The following PIK3AP1 variants were observed in gnomAD, a reference collection of about 807,000 sequenced individuals.
PIK3AP1 encodes the protein phosphoinositide 3-kinase adapter protein 1.
In PIK3AP1, 21 loss-of-function variants were observed where a neutral mutation model predicts 88.1. That is an observed-to-expected ratio of 0.24 (90% confidence interval 0.17 to 0.34). The LOEUF is 0.34. Ranked by LOEUF, PIK3AP1 falls within the 10% of genes least tolerant of loss-of-function variation. The pLI, the probability that PIK3AP1 is intolerant of heterozygous loss-of-function variation, is 1.00. For missense variants in PIK3AP1, 828 were observed against 1,035.7 expected, an observed-to-expected ratio of 0.80 and a Z score of 2.75; for synonymous variants, 398 against 400.0, an observed-to-expected ratio of 1.00 and a Z score of 0.06.
At chr10:96,655,729 C>A (rs1390214073) in intron 3 of PIK3AP1, among the ~76,000 whole-genome samples, 3 of 152,108 alleles carry the variant, frequency 2.0e-5, no homozygotes, top group Non-Finnish European at 4.4e-5. Flanking sequence ...AAGAGGAGTT[C>A]CCCTGCACAA....
Position 96,651,336 on chromosome 10 carries a change from C to G in PIK3AP1, c.900G>C (p.Leu300=), listed in dbSNP as rs370579298. 5 of 1,613,996 alleles carry G rather than the reference C, an allele frequency of 3.1e-6. No homozygotes were observed. The African/African-American group carries it at 6.7e-5, about 22-fold the overall frequency. The part of the protein sequence containing the change: ...VPYNTETLDK[L]LTESLKNNIP... ...TATTGTTCTTCAGGGATTCGGTTAG[C>G]AGTTTATCAAGGGTCTCTGTGTTGT... Residue 300 remains leucine (L), a synonymous_variant, in exon 6 of 17, where the codon CTG becomes CTC. Transcript: ENST00000339364.
chr10:96,641,195 C>T (rs1843384595), intron 8 of PIK3AP1, among the ~76,000 whole-genome samples: 1 of 151,946 alleles, frequency 6.6e-6, no homozygotes, highest in African/African-American at 2.4e-5. Context: ...TGTACAATCT[C>T]AGGGTCAGAA....
At chr10:96,652,601 A>G (rs1437706867) in intron 4 of PIK3AP1, 97 bp downstream of exon 4, 13 of 1,453,240 alleles carry the variant, frequency 8.9e-6, no homozygotes, top group African/African-American at 1.4e-5. Context: ...TAGCAAACAT[A>G]TTTAAGATGA....
At chr10:96,643,117 A>G (rs1843413314) in intron 8 of PIK3AP1, among the ~76,000 whole-genome samples, 1 of 152,150 alleles carries the variant, frequency 6.6e-6, no homozygotes, top group Non-Finnish European at 1.5e-5. Flanking sequence ...TGCTCCAGAC[A>G]TGCTTATTAG....
chr10:96,708,596 A>AAG (rs1554963187), intron 2 of PIK3AP1, among the ~76,000 whole-genome samples: 1 of 150,314 alleles, frequency 6.7e-6, no homozygotes, highest in African/African-American at 2.5e-5. Flanking sequence ...AAAAAAAAAA[A>AAG]AAAAAGCAAA....
chr10:96,628,889 C>CATATATATATATATATATACATAT (rs745432871), intron 8 of PIK3AP1, among the ~76,000 whole-genome samples: 1 of 60,852 alleles, frequency 1.6e-5, no homozygotes, highest in Non-Finnish European at 3.1e-5. Flanking sequence ...TATATATATA[C>CATATATATATATATATATACATAT]ATATATATAT....
At chr10:96,645,357 A>C in intron 8 of PIK3AP1, 116 bp downstream of exon 8, 1 of 1,035,610 alleles carries the variant, frequency 9.7e-7, no homozygotes, top group African/African-American at 1.7e-5. Context: ...CAGGACCTTC[A>C]TCTCTCTGGG....
chr10:96,674,852 A>G (rs1843895026), intron 2 of PIK3AP1, among the ~76,000 whole-genome samples: 1 of 152,238 alleles, frequency 6.6e-6, no homozygotes, highest in Non-Finnish European at 1.5e-5. Flanking sequence ...CAGTCTTCCG[A>G]GAAACAAAAG....
At chr10:96,677,254 C>T (rs1480733924) in intron 2 of PIK3AP1, among the ~76,000 whole-genome samples, 1 of 152,154 alleles carries the variant, frequency 6.6e-6, no homozygotes, top group Admixed American at 6.5e-5. Flanking sequence ...AACACAACAC[C>T]TTCTTTTGCC....
intron 6 of PIK3AP1, among the ~76,000 whole-genome samples, chr10:96,649,385 T>C (rs1843506697): frequency 6.6e-6 from 1 of 152,166 alleles, no homozygotes; most frequent in Non-Finnish European, 1.5e-5. Context: ...ATGAATACCC[T>C]ACCATCTTCT....
chr10:96,612,186 GCTC>G, intron 13 of PIK3AP1, among the ~76,000 whole-genome samples: 1 of 152,130 alleles, frequency 6.6e-6, no homozygotes, highest in Non-Finnish European at 1.5e-5. Context: ...GACCCGGTTA[GCTC>G]CTCTACGTCC....
At chr10:96,705,240 G>A (rs1390578531) in intron 2 of PIK3AP1, among the ~76,000 whole-genome samples, 1 of 152,186 alleles carries the variant, frequency 6.6e-6, no homozygotes, top group African/African-American at 2.4e-5. Flanking sequence ...AGGTGAAGGA[G>A]GAAAATTGAA....
chr10:96,712,794 G>A (rs1295497457), intron 1 of PIK3AP1, among the ~76,000 whole-genome samples: 5 of 152,234 alleles, frequency 3.3e-5, no homozygotes, highest in Admixed American at 2.6e-4. Context: ...AGGATGCAAT[G>A]TTAGTGATGC....
Position 96,623,185 on chromosome 10 carries a change from C to A in PIK3AP1, c.1735+287G>T, listed in dbSNP as rs34194387. ...GTGCCACACTAAAGTATCCTTGGAT[C>A]TCTCTAATTAATTAAATAATTTATT... On this transcript the variant is annotated intron_variant, in intron 11 of 16. Transcript: ENST00000339364. 4.4e-3 allele frequency among the ~76,000 whole-genome samples: 666 copies of A among 152,186 alleles called. 7 individuals carry two copies. Among genetic ancestry groups the A allele is most frequent in the Non-Finnish European group, 5.0e-3 (339 of 68,018 alleles).
chr10:96,623,606 G>A, intron 10 of PIK3AP1, 69 bp from the exon 11 acceptor site: 1 of 1,368,284 alleles, frequency 7.3e-7, no homozygotes, highest in Non-Finnish European at 1.0e-6. Context: ...TAATAATAAT[G>A]AATCCATACC....
intron 2 of PIK3AP1, among the ~76,000 whole-genome samples, chr10:96,657,453 A>G (rs976699786): frequency 6.6e-6 from 1 of 152,178 alleles, no homozygotes; most frequent in African/African-American, 2.4e-5. Context: ...CTTTAGATAA[A>G]TCTAACCAGG....
At chr10:96,639,937 A>G (rs1278434469) in intron 8 of PIK3AP1, among the ~76,000 whole-genome samples, 2 of 152,214 alleles carry the variant, frequency 1.3e-5, no homozygotes, top group Admixed American at 1.3e-4. Context: ...ACAGTCCCCA[A>G]GTGTGCCCCC....
At position 96,593,938 on chromosome 10, in the gene PIK3AP1, A is replaced by G. The variant is rs753697557; in HGVS notation, c.*1639T>C. 6.6e-6 allele frequency: 1 copy of G among 152,242 alleles called. No homozygotes were observed. Among genetic ancestry groups the G allele is most frequent in the Non-Finnish European group, 1.5e-5 (1 of 68,038 alleles). The allele number at this position is 152,242 out of a possible 1,614,324, so 9.4% of individuals were successfully genotyped here. On this transcript the variant is annotated 3_prime_UTR_variant, in exon 17 of 17. Transcript: ENST00000339364. Reference sequence around the variant, plus strand: ...CCTTTAATCATTAGAAAAGGACCCAATAAAACTATACTTAAATGGATCATT... The same window carrying G: ...CCTTTAATCATTAGAAAAGGACCCAGTAAAACTATACTTAAATGGATCATT...
At chr10:96,646,860 T>C (rs922115061) in intron 7 of PIK3AP1, among the ~76,000 whole-genome samples, 1 of 152,212 alleles carries the variant, frequency 6.6e-6, no homozygotes, top group Non-Finnish European at 1.5e-5. Context: ...TAAGAAACTT[T>C]GGTGTTTCAC....
Sources: allele counts gnomAD v4.1 joint callset (sites outside exome capture counted in the v4.1 genomes callset), GRCh38; gene constraint gnomAD v4.1.1; transcripts MANE v1.5; gene names NCBI Gene and HGNC (gene_info 2026-07-23, HGNC 2026-07-21).